The following STAC2 variants were observed in gnomAD, a reference collection of about 807,000 sequenced individuals.
STAC2 encodes the protein SH3 and cysteine-rich domain-containing protein 2.
Under a neutral mutation model 49.0 loss-of-function variants are expected in STAC2, and 36 were observed. The observed-to-expected ratio is 0.74, with a 90% CI of 0.56 to 0.97. STAC2 has a LOEUF of 0.97. Among genes scored for constraint, STAC2 ranks in the 50% least tolerant of loss-of-function variants. STAC2 has a pLI of 0.00. For missense variants in STAC2, 527 were observed against 543.8 expected (o/e 0.97, Z 0.31); for synonymous variants, 239 against 214.7 (o/e 1.11, Z -0.99).
chr17:39,214,538 G>T, intron 7 of STAC2: 1 of 871,358 alleles, frequency 1.1e-6, no homozygotes, highest in Non-Finnish European at 1.4e-6. Flanking sequence ...GCCCCCTTCT[G>T]CCTGCTGTAC....
intron 1 of STAC2, among the ~76,000 whole-genome samples, chr17:39,222,634 C>T (rs2046473571): frequency 6.6e-6 from 1 of 152,206 alleles, no homozygotes; most frequent in Non-Finnish European, 1.5e-5. Context: ...GGTGCCCTCA[C>T]TTCCCTGGGA....
intron 1 of STAC2, among the ~76,000 whole-genome samples, chr17:39,224,372 G>A (rs2046490579): frequency 2.0e-5 from 3 of 152,296 alleles, no homozygotes; most frequent in Admixed American, 2.0e-4. Context: ...GGCAGGGCGC[G>A]CCCTTGGCAC....
At position 39,216,800 on chromosome 17, in the gene STAC2, G is replaced by C; in HGVS notation, c.586+10C>G. 6.3e-7 allele frequency: 1 copy of C among 1,578,546 alleles called. No homozygotes were observed. On this transcript the variant is annotated intron_variant, in intron 4 of 10. Coordinates refer to ENST00000333461, the MANE Select transcript of STAC2 (RefSeq NM_198993.5). The stretch of plus-strand genomic sequence containing the variant: ...TGGGAGCAGGGACTGCGGCCAGGGG[G>C]GGCACTCACCAGTGGGTGGGGACTC...
Position 39,216,824 on chromosome 17 carries a change from T to C in STAC2, c.572A>G (p.Glu191Gly), listed in dbSNP as rs762659879. 3 of 1,595,074 alleles carry C rather than the reference T, an allele frequency of 1.9e-6. No homozygotes were observed. The highest frequency in any genetic ancestry group is 2.3e-5 in the South Asian group (2 of 87,754). Residue 191 changes from glutamate (E) to glycine (G), a missense_variant, in exon 4 of 11, where the codon GAG becomes GGG. Physicochemically the swap from Glu to Gly is moderately conservative, Grantham distance 98. Coordinates refer to ENST00000333461, the MANE Select transcript of STAC2 (RefSeq NM_198993.5). ...GGGGCACTCACCAGTGGGTGGGGAC[T>C]CTTTGCTTGTGGCACAGACTGGTGG... ...EPPPVCATSKESPPTGDSGKV... is the reference protein window; with the variant it reads ...EPPPVCATSKGSPPTGDSGKV...
rs78519881 is a variant in STAC2 at position 39,216,796 on chromosome 17, G to T, written c.586+14C>A. 6.4e-7 allele frequency: 1 copy of T among 1,570,964 alleles called. No homozygotes were observed. The highest frequency in any genetic ancestry group is 8.6e-7 in the Non-Finnish European group (1 of 1,157,498). On this transcript the variant is annotated intron_variant, in intron 4 of 10. Coordinates refer to ENST00000333461, the MANE Select transcript of STAC2 (RefSeq NM_198993.5). ...ACAATGGGAGCAGGGACTGCGGCCAGGGGGGGCACTCACCAGTGGGTGGGG... is the reference window on the plus strand; with the variant it reads ...ACAATGGGAGCAGGGACTGCGGCCATGGGGGGCACTCACCAGTGGGTGGGG...
At chr17:39,212,947 C>A in intron 10 of STAC2, 48 bp downstream of exon 10, 1 of 1,603,546 alleles carries the variant, frequency 6.2e-7, no homozygotes, top group Non-Finnish European at 8.5e-7. Context: ...CTCCCCCGCC[C>A]ACTCCCTCCC....
At chr17:39,217,746 C>T in intron 2 of STAC2, 121 bp downstream of exon 2, 3 of 1,003,248 alleles carry the variant, frequency 3.0e-6, no homozygotes, top group Non-Finnish European at 4.3e-6. Context: ...GGCACAGAGG[C>T]ACAATTAGTA....
In STAC2 at chr17:39,212,292, T is replaced by C; in HGVS notation, c.1236A>G (p.Ter412TrpextTer8). 1 of 1,606,336 alleles carries C rather than the reference T, an allele frequency of 6.2e-7. No homozygotes were observed. Among genetic ancestry groups the C allele is most frequent in the Non-Finnish European group, 8.5e-7 (1 of 1,175,792 alleles). Residue 412 changes from the stop codon to tryptophan (W), a stop_lost, in exon 11 of 11, where the codon TGA (stop) becomes TGG (tryptophan). Transcript: ENST00000333461. ...LVPVDALTEI[*>W] Reference sequence around the variant, plus strand: ...GTCATCTGGGTTCCCTTGGCTCCTCTCAGATCTCAGTCAGGGCGTCGACTG... The same window carrying C: ...GTCATCTGGGTTCCCTTGGCTCCTCCCAGATCTCAGTCAGGGCGTCGACTG...
Position 39,210,879 on chromosome 17 carries a change from G to A in STAC2, c.*1413C>T, listed in dbSNP as rs76407749. The A allele has an allele frequency of 0.01, 1,567 of 152,424 alleles. 12 individuals are homozygous for A. The highest frequency in any genetic ancestry group is 0.02 in the Middle Eastern group (6 of 294). The allele number at this position is 152,424 out of a possible 1,614,324, so 9.4% of individuals were successfully genotyped here. A position where few individuals can be genotyped will look rare whatever the true frequency, so the allele number is the denominator to read the frequency against. On this transcript the variant is annotated 3_prime_UTR_variant, in exon 11 of 11. Transcript: ENST00000333461. ...GCACCGAGAAAAGCAGCTGTATTAA[G>A]AGAGGGGTCCTCTCTGTGTATGCCC...
At chr17:39,213,443 A>T (rs1416738602) in intron 9 of STAC2, 64 bp downstream of exon 9, 1 of 1,597,290 alleles carries the variant, frequency 6.3e-7, no homozygotes, top group Non-Finnish European at 8.6e-7. Flanking sequence ...GGCAGTGCCC[A>T]TTGGGGGTGG....
chr17:39,219,559 G>T (rs1301458911), intron 1 of STAC2, among the ~76,000 whole-genome samples: 1 of 152,148 alleles, frequency 6.6e-6, no homozygotes, highest in Non-Finnish European at 1.5e-5. Flanking sequence ...ACAGTTGCTG[G>T]CTTCAAATCC....
rs577721467 is a variant in STAC2 at position 39,212,315 on chromosome 17, C to G, written c.1213G>C (p.Val405Leu). 6.2e-7 allele frequency: 1 copy of G among 1,611,648 alleles called. No homozygotes were observed. The highest frequency in any genetic ancestry group is 1.1e-5 in the South Asian group (1 of 90,418). The change falls in exon 11 of 11, where the codon GTC becomes CTC. Residue 405 changes from valine (V) to leucine (L), a missense_variant. Coordinates refer to ENST00000333461, the MANE Select transcript of STAC2 (RefSeq NM_198993.5). ...TCTCAGATCTCAGTCAGGGCGTCGA[C>G]TGGCACCAGGCCCCGCTTCTTGCCA... The part of the protein sequence containing the change: ...SSGKKRGLVP[V>L]DALTEI
chr17:39,213,430 G>A, intron 9 of STAC2, 77 bp downstream of exon 9: 1 of 1,551,460 alleles, frequency 6.4e-7, no homozygotes, highest in Admixed American at 1.7e-5. Flanking sequence ...GAGAGAAGGT[G>A]GGGGCAGTGC....
intron 3 of STAC2, 47 bp downstream of exon 3, chr17:39,217,029 G>C (rs375965677): frequency 1.2e-3 from 1,985 of 1,610,274 alleles, no homozygotes; most frequent in Non-Finnish European, 1.5e-3. Context: ...CCATGTGACA[G>C]TACTGGCAGC....
chr17:39,213,672 C>CTTT (rs767714627), intron 8 of STAC2, 114 bp from the exon 9 acceptor site: 433 of 373,394 alleles, frequency 1.2e-3, no homozygotes, highest in South Asian at 2.6e-3. Context: ...AGAGACGATT[C>CTTT]TTTTTTTTTT....
Position 39,225,413 on chromosome 17 carries a change from C to G in STAC2, c.90G>C (p.Lys30Asn). The change falls in exon 1 of 11, where the codon AAG (lysine) becomes AAC (asparagine). Residue 30 changes from lysine to asparagine, a missense_variant and splice_region_variant. Transcript: ENST00000333461. This position sits in a 1 kb window ranked among gnomAD's most constrained non-coding sequence, Gnocchi z 8.2. ...ACAGGCCTTGCGCCCCCCAAGTTAC[C>G]TTGGTTTCCTGGAGGGCGGAGACGG... Reference protein sequence around the residue: ...PGTVSALQETKLQRFKRSLSL... With the variant: ...PGTVSALQETNLQRFKRSLSL... 6.2e-7 allele frequency: 1 copy of G among 1,601,876 alleles called. No homozygotes were observed. Among genetic ancestry groups the G allele is most frequent in the Non-Finnish European group, 8.5e-7 (1 of 1,176,548 alleles).
In STAC2 at chr17:39,214,811, C is replaced by T. The variant is rs777595905; in HGVS notation, c.823G>A (p.Glu275Lys). The T allele has an allele frequency of 3.7e-6, 6 of 1,614,082 alleles. No individual in the cohort carries two copies. In the East Asian group the frequency reaches 1.3e-4, roughly 36 times the overall value. The change falls in exon 7 of 11, where the codon GAG (glutamate) becomes AAG (lysine). Residue 275 changes from glutamate (E) to lysine (K), a missense_variant. Coordinates refer to ENST00000333461, the MANE Select transcript of STAC2 (RefSeq NM_198993.5). ...PAESEGPGPEEKSPGQQLPKA... is the reference protein window; with the variant it reads ...PAESEGPGPEKKSPGQQLPKA... ...CTCACCTGCTGTCCAGGACTCTTCT[C>T]CTCTGGTCCTGGCCCTTCACTCTCT...
chr17:39,212,259 GC>G lies in STAC2; in HGVS notation c.*32del. On this transcript the variant is annotated 3_prime_UTR_variant, in exon 11 of 11. Transcript: ENST00000333461. ...GGCCAGAAGCAAGGTCCAGGCATGG[GC>G]AAGGGTGTCATCTGGGTTCCCTTGG... 1 of 1,528,468 alleles carries G rather than the reference GC, an allele frequency of 6.5e-7. No individual in the cohort carries two copies. The allele number at this position is 1,528,468 out of a possible 1,614,324, so 94.7% of individuals were successfully genotyped here.
At chr17:39,219,926 C>G (rs969614624) in intron 1 of STAC2, among the ~76,000 whole-genome samples, 1 of 152,222 alleles carries the variant, frequency 6.6e-6, no homozygotes, top group African/African-American at 2.4e-5. Flanking sequence ...GCCATGGCTG[C>G]CTGCCTGGCC....
Sources: gnomAD v4.1 joint callset for allele counts (sites outside exome capture counted in the v4.1 genomes callset) on GRCh38, gnomAD v4.1.1 for gene constraint, Gnocchi (gnomAD v3.1) non-coding constraint, MANE v1.5 for transcripts, NCBI Gene and HGNC (gene_info 2026-07-23, HGNC 2026-07-21) for gene names.